ABLIM1: variants seen among roughly 807,000 people sequenced by gnomAD.
The protein encoded by ABLIM1 is actin binding LIM protein 1, also known as actin-binding LIM protein 1.
Under a neutral mutation model 107.0 loss-of-function variants are expected in ABLIM1, and 40 were observed. The ratio of observed to expected loss-of-function variants is 0.37; its 90% CI spans 0.29 to 0.49. The LOEUF is 0.49. Among genes scored for constraint, ABLIM1 ranks in the 20% least tolerant of loss-of-function variants. The pLI, the probability that ABLIM1 is intolerant of heterozygous loss-of-function variation, is 0.97. For missense variants in ABLIM1, 857 were observed against 1,008.5 expected, an observed-to-expected ratio of 0.85 and a Z score of 2.04; for synonymous variants, 357 against 357.3, an observed-to-expected ratio of 1.00 and a Z score of 0.01.
At chr10:114,535,071 C>A (rs1169697789) in intron 6 of ABLIM1, among the ~76,000 whole-genome samples, 1 of 152,168 alleles carries the variant, frequency 6.6e-6, no homozygotes, top group Non-Finnish European at 1.5e-5. Context: ...AACCTGATAG[C>A]CATGAAGGGG....
chr10:114,654,395 C>T (rs1457870718), intron 1 of ABLIM1, among the ~76,000 whole-genome samples: 1 of 152,142 alleles, frequency 6.6e-6, no homozygotes, highest in Non-Finnish European at 1.5e-5. Context: ...CTGAAATTAA[C>T]ATTTAGTGGA....
At chr10:114,492,129 T>C (rs950902663) in intron 6 of ABLIM1, among the ~76,000 whole-genome samples, 3 of 152,010 alleles carry the variant, frequency 2.0e-5, no homozygotes, top group Non-Finnish European at 2.9e-5. Context: ...TTCTGGCTTC[T>C]ATGTCTCCCT....
intron 1 of ABLIM1, among the ~76,000 whole-genome samples, chr10:114,755,096 A>G (rs2082599586): frequency 1.3e-5 from 2 of 152,164 alleles, no homozygotes; most frequent in South Asian, 4.1e-4. Flanking sequence ...AGCCTGAGGA[A>G]CGGAGCCGCA....
intron 1 of ABLIM1, among the ~76,000 whole-genome samples, chr10:114,734,056 C>T (rs1005545472): frequency 7.9e-5 from 12 of 152,058 alleles, no homozygotes; most frequent in Non-Finnish European, 1.6e-4. Context: ...GATGGGGTTT[C>T]GCCATGTTGG....
At chr10:114,565,040 G>T (rs2070462525) in intron 4 of ABLIM1, among the ~76,000 whole-genome samples, 3 of 152,300 alleles carry the variant, frequency 2.0e-5, no homozygotes, top group East Asian at 1.9e-4. Flanking sequence ...TAGAAAGATT[G>T]ATTTCTCAAG....
chr10:114,491,812 C>T lies in ABLIM1; in HGVS notation c.961G>A (p.Gly321Arg). ...CSRCNQMFTE[G>R]EEMYLQGSTV... ...TCACCTTGAAGATACATTTCCTCTC[C>T]TTCTGTGAACATCTGGTTGCATCTG... Residue 321 changes from glycine (G) to arginine (R), a missense_variant, in exon 7 of 23, where the codon GGA (glycine) becomes AGA (arginine). By Grantham distance (125) the Gly-to-Arg change is moderately radical. Coordinates refer to ENST00000533213, the MANE Select transcript of ABLIM1 (RefSeq NM_002313.7). The T allele has an allele frequency of 6.2e-7, 1 of 1,612,080 alleles. No homozygotes were observed. The highest frequency in any genetic ancestry group is 1.1e-5 in the South Asian group (1 of 90,960).
chr10:114,566,964 G>T (rs915475757), intron 4 of ABLIM1, among the ~76,000 whole-genome samples: 1 of 152,184 alleles, frequency 6.6e-6, no homozygotes, highest in Non-Finnish European at 1.5e-5. Context: ...CAGGAGAATT[G>T]CTTGAACCTG....
chr10:114,639,440 G>A (rs1395420850), intron 1 of ABLIM1, among the ~76,000 whole-genome samples: 1 of 152,206 alleles, frequency 6.6e-6, no homozygotes, highest in Non-Finnish European at 1.5e-5. Context: ...CTACCCAGTG[G>A]TTATTCTATC....
At chr10:114,515,675 G>T (rs2062698596) in intron 6 of ABLIM1, among the ~76,000 whole-genome samples, 1 of 152,324 alleles carries the variant, frequency 6.6e-6, no homozygotes, top group Non-Finnish European at 1.5e-5. Context: ...TGGAAATAGG[G>T]TTGTTGCAGA....
chr10:114,678,162 T>C (rs958773954), intron 1 of ABLIM1, among the ~76,000 whole-genome samples: 10 of 148,400 alleles, frequency 6.7e-5, no homozygotes, highest in African/African-American at 2.0e-4. Flanking sequence ...CTTTTTTTTT[T>C]CCTCATTCTC....
chr10:114,687,995 T>G (rs979514258), upstream of ABLIM1, among the ~76,000 whole-genome samples: 2 of 152,076 alleles, frequency 1.3e-5, no homozygotes, highest in African/African-American at 4.8e-5. Flanking sequence ...ACAACTTTGT[T>G]GGAGAGCAGT....
At chr10:114,437,048 C>A (rs1389997015) in intron 22 of ABLIM1, among the ~76,000 whole-genome samples, 2 of 152,102 alleles carry the variant, frequency 1.3e-5, no homozygotes, top group Non-Finnish European at 1.5e-5. Context: ...ACCCAGATAA[C>A]CCTTCAACAA....
In ABLIM1 at chr10:114,690,926, C is replaced by T. The variant is rs146927798; in HGVS notation, c.-213+77135G>A. Among the ~76,000 whole-genome samples, 86 of 152,362 alleles carry T rather than the reference C, an allele frequency of 5.6e-4. 1 individual carries two copies. Among genetic ancestry groups the T allele is most frequent in the Admixed American group, 2.2e-3 (34 of 15,304 alleles). ...CGAACTCCTGACCTCAACTGATCCT[C>T]CTGCCTTGGTCTCTCAAAGTACTGC... On this transcript the variant is annotated intron_variant, in intron 1 of 15. Transcript: ENST00000651092.
rs1350184276 is a variant in ABLIM1 at position 114,658,002 on chromosome 10, C to T, written c.199G>A (p.Asp67Asn). The stretch of plus-strand genomic sequence containing the variant: ...CATACACGCCCACGTGGGCAGTAGT[C>T]CTTGGGACAGAGATACAGCAAATGA... ...ITHLLYLCPK[D>N]YCPRGRVCNS... is the part of the protein sequence containing the mutation. Residue 67 changes from aspartate (D) to asparagine (N), a missense_variant, in exon 1 of 23, where the codon GAC becomes AAC. Asp to Asn is a conservative substitution (Grantham distance 23, BLOSUM62 1). Transcript: ENST00000533213. 6.2e-7 allele frequency: 1 copy of T among 1,614,116 alleles called. No individual in the cohort carries two copies. The highest frequency in any genetic ancestry group is 2.2e-5 in the East Asian group (1 of 44,868).
chr10:114,750,408 C>A (rs1483559093), intron 1 of ABLIM1, among the ~76,000 whole-genome samples: 5 of 151,756 alleles, frequency 3.3e-5, no homozygotes, highest in African/African-American at 1.2e-4. Flanking sequence ...CTAGTTTAAG[C>A]AGAATACAAA....
chr10:114,666,938 A>G (rs2080050786), intron 1 of ABLIM1, among the ~76,000 whole-genome samples: 1 of 152,216 alleles, frequency 6.6e-6, no homozygotes, highest in Non-Finnish European at 1.5e-5. Context: ...CCAGCCAGGT[A>G]TTGCCAGATG....
chr10:114,681,974 C>T (rs998401806), intron 1 of ABLIM1, among the ~76,000 whole-genome samples: 6 of 152,232 alleles, frequency 3.9e-5, no homozygotes, highest in African/African-American at 7.2e-5. Context: ...CATTTCCATT[C>T]TCTCATATGA....
intron 1 of ABLIM1, chr10:114,615,697 G>A (rs1398887912): frequency 2.6e-6 from 1 of 387,446 alleles, no homozygotes; most frequent in African/African-American, 2.1e-5. Flanking sequence ...GAAACTGAAA[G>A]TCAGAAAAAT....
intron 1 of ABLIM1, among the ~76,000 whole-genome samples, chr10:114,752,621 T>A (rs808304): frequency 0.11 from 16,778 of 152,174 alleles, 948 homozygotes; most frequent in Middle Eastern, 0.15. Context: ...CCCCAGTGTG[T>A]GTTGTTCCCT....
Sources: gnomAD v4.1 joint callset for allele counts (sites outside exome capture counted in the v4.1 genomes callset) on GRCh38, gnomAD v4.1.1 for gene constraint, MANE v1.5 for transcripts, NCBI Gene and HGNC (gene_info 2026-07-23, HGNC 2026-07-21) for gene names.